WWOX: variants seen among roughly 807,000 people sequenced by gnomAD.
WWOX encodes WW domain-containing oxidoreductase.
Under a neutral mutation model 46.2 loss-of-function variants are expected in WWOX, and 69 were observed. The observed-to-expected ratio is 1.49, with a 90% CI of 1.23 to 1.82. The LOEUF is 1.82. Among genes scored for constraint, WWOX ranks in the 40% most tolerant of loss-of-function variants. The pLI, the probability that WWOX is intolerant of heterozygous loss-of-function variation, is 0.00. For synonymous variants in WWOX, 359 were observed against 202.6 expected, an observed-to-expected ratio of 1.77 and a Z score of -6.56; for missense variants, 919 against 542.6, an observed-to-expected ratio of 1.69 and a Z score of -6.89.
chr16:78,924,606 T>C (rs1256382480), intron 8 of WWOX, among the ~76,000 whole-genome samples: 2 of 152,210 alleles, frequency 1.3e-5, no homozygotes, highest in African/African-American at 2.4e-5. Context: ...TAAAAACATA[T>C]ATCAGAGTCC....
chr16:78,726,426 G>A (rs375789013), intron 8 of WWOX, among the ~76,000 whole-genome samples: 21 of 151,868 alleles, frequency 1.4e-4, no homozygotes, highest in African/African-American at 5.1e-4. Context: ...GGGCGGGGAG[G>A]TCTCCCTGTG....
chr16:78,128,386 A>G (rs2033448135), intron 4 of WWOX, among the ~76,000 whole-genome samples: 1 of 152,192 alleles, frequency 6.6e-6, no homozygotes, highest in African/African-American at 2.4e-5. Flanking sequence ...AGGAGCAGAA[A>G]CTTGATTCAA....
chr16:78,675,976 C>T (rs1255731106), intron 8 of WWOX, among the ~76,000 whole-genome samples: 1 of 151,880 alleles, frequency 6.6e-6, no homozygotes, highest in Non-Finnish European at 1.5e-5. Flanking sequence ...TTAAATCAAT[C>T]CAAGATTTTA....
rs1329116896 is a variant in WWOX at position 78,653,450 on chromosome 16, G to C, written c.1056+220698G>C. ...CTAAGCCCATAATGCTGTGTTCCTT[G>C]CCAGTGATTGGTTTAGAAATAGGTA... On this transcript the variant is annotated intron_variant, in intron 8 of 8. Transcript: ENST00000566780. 5.9e-5 allele frequency among the ~76,000 whole-genome samples: 9 copies of C among 152,164 alleles called. No homozygotes were observed. In the East Asian group the frequency reaches 1.7e-3, roughly 29 times the overall value.
chr16:78,246,086 C>T (rs1270917084), intron 5 of WWOX, among the ~76,000 whole-genome samples: 5 of 152,172 alleles, frequency 3.3e-5, no homozygotes, highest in Non-Finnish European at 7.3e-5. Context: ...TGCAGATCAT[C>T]CCGCTCCCCA....
At chr16:78,634,869 TGTGTGC>T (rs1340258307) in intron 8 of WWOX, among the ~76,000 whole-genome samples, 2 of 143,890 alleles carry the variant, frequency 1.4e-5, no homozygotes, top group African/African-American at 2.6e-5. Context: ...TGTGTGTGTG[TGTGTGC>T]GCGTGCATGT....
chr16:78,490,753 A>G (rs1952659104), intron 8 of WWOX, among the ~76,000 whole-genome samples: 2 of 152,156 alleles, frequency 1.3e-5, no homozygotes, highest in Admixed American at 6.5e-5. Flanking sequence ...GTCTTCAGCT[A>G]CACCTTACCA....
At chr16:78,711,048 C>G (rs80134800) in intron 8 of WWOX, among the ~76,000 whole-genome samples, 1,827 of 152,324 alleles carry the variant, frequency 0.012, 38 homozygotes, top group African/African-American at 0.042. Flanking sequence ...CAACACCCGA[C>G]AGGCATCTTA....
At chr16:78,140,219 G>A (rs531123289) in intron 4 of WWOX, among the ~76,000 whole-genome samples, 20 of 152,284 alleles carry the variant, frequency 1.3e-4, no homozygotes, top group Middle Eastern at 3.4e-3. Flanking sequence ...AGAGGTGCCC[G>A]ATACAGTCCA....
intron 8 of WWOX, among the ~76,000 whole-genome samples, chr16:78,603,546 T>C (rs757682115): frequency 2.6e-5 from 4 of 151,958 alleles, no homozygotes; most frequent in African/African-American, 9.7e-5. Flanking sequence ...AATAAAAAAT[T>C]AGCTGGGCGT....
At chr16:78,448,931 G>T (rs1488437063) in intron 8 of WWOX, among the ~76,000 whole-genome samples, 1 of 152,162 alleles carries the variant, frequency 6.6e-6, no homozygotes, top group Non-Finnish European at 1.5e-5. Context: ...CCTTGGGTCG[G>T]CTATCTTGCT....
intron 8 of WWOX, among the ~76,000 whole-genome samples, chr16:78,871,048 A>T (rs1211354407): frequency 6.6e-6 from 1 of 152,210 alleles, no homozygotes; most frequent in Non-Finnish European, 1.5e-5. Flanking sequence ...CTCGAGGTAA[A>T]ACAAGTTTTT....
chr16:78,134,354 T>TG (rs1012412795), intron 4 of WWOX, among the ~76,000 whole-genome samples: 7 of 151,850 alleles, frequency 4.6e-5, no homozygotes, highest in Non-Finnish European at 5.9e-5. Context: ...TTTTTTTTTT[T>TG]GGGTGCAGTG....
intron 8 of WWOX, among the ~76,000 whole-genome samples, chr16:78,949,762 C>T (rs1480701160): frequency 1.3e-5 from 2 of 152,190 alleles, no homozygotes; most frequent in East Asian, 1.9e-4. Flanking sequence ...AAAGGTTTTC[C>T]TCTTGAAGGA....
intron 8 of WWOX, among the ~76,000 whole-genome samples, chr16:78,704,157 G>A (rs1374176810): frequency 1.3e-5 from 2 of 151,242 alleles, no homozygotes; most frequent in African/African-American, 4.9e-5. Flanking sequence ...TTAACCTCCA[G>A]CAGCTGTGTT....
chr16:78,835,278 T>G (rs1302052842), intron 8 of WWOX, among the ~76,000 whole-genome samples: 1 of 152,250 alleles, frequency 6.6e-6, no homozygotes, highest in East Asian at 1.9e-4. Context: ...TTTACTATTT[T>G]AGTCTGTAGC....
intron 8 of WWOX, among the ~76,000 whole-genome samples, chr16:78,965,397 C>T (rs9935248): frequency 0.87 from 131,576 of 152,050 alleles, 57,355 homozygotes; most frequent in East Asian, 0.95. Flanking sequence ...GGTGAAACCC[C>T]ATCTGTACTG....
At chr16:78,398,701 A>G (rs563051416) in intron 6 of WWOX, among the ~76,000 whole-genome samples, 1 of 152,318 alleles carries the variant, frequency 6.6e-6, no homozygotes, top group South Asian at 2.1e-4. Context: ...TCTGTGCTAC[A>G]ACTTATTAAG....
rs1033636623 is a variant in WWOX at position 79,064,347 on chromosome 16, G to A, written c.1057-147261G>A. 2.0e-5 allele frequency among the ~76,000 whole-genome samples: 3 copies of A among 152,354 alleles called. No homozygotes were observed. In the South Asian group the frequency reaches 6.2e-4, roughly 32 times the overall value. On this transcript the variant is annotated intron_variant, in intron 8 of 8. Coordinates refer to ENST00000566780, the MANE Select transcript of WWOX (RefSeq NM_016373.4). ...CTTGTGGAATTCGATGGGTTGCACT[G>A]TAAGTTTCAGTTTCCTTATCTGTAA...
Sources: gnomAD v4.1 joint callset for allele counts (sites outside exome capture counted in the v4.1 genomes callset) on GRCh38, gnomAD v4.1.1 for gene constraint, MANE v1.5 for transcripts, NCBI Gene and HGNC (gene_info 2026-07-23, HGNC 2026-07-21) for gene names.